Variants in ULK2 observed in about 807,000 individuals in gnomAD.
ULK2 encodes serine/threonine-protein kinase ULK2.
ULK2 carries 76 observed loss-of-function variants against 127.5 expected under a neutral mutation model. The ratio of observed to expected loss-of-function variants is 0.60; its 90% CI spans 0.50 to 0.72. ULK2 has a LOEUF of 0.72. ULK2 is among the 30% of genes least tolerant of loss of function. ULK2 has a pLI of 0.00. For synonymous variants in ULK2, 452 were observed against 461.9 expected (o/e 0.98, Z 0.28); for missense variants, 1,144 against 1,295.9 (o/e 0.88, Z 1.80).
chr17:19,802,389 ATTT>A (rs1490710802), intron 15 of ULK2, among the ~76,000 whole-genome samples: 1 of 152,190 alleles, frequency 6.6e-6, no homozygotes, highest in Non-Finnish European at 1.5e-5. Context: ...TAAGCTGAGA[ATTT>A]TTAAGAATTA....
chr17:19,840,235 TG>T, intron 9 of ULK2: 1 of 510,860 alleles, frequency 2.0e-6, no homozygotes, highest in Non-Finnish European at 4.0e-6. Flanking sequence ...GTTGAGCAGT[TG>T]GCCATAAGAG....
chr17:19,804,546 TA>T, intron 15 of ULK2, 146 bp downstream of exon 15: 1 of 743,124 alleles, frequency 1.3e-6, no homozygotes. Flanking sequence ...TCATCAATTA[TA>T]AAACTTTATT....
chr17:19,786,021 C>T lies in ULK2; in HGVS notation c.2167G>A (p.Val723Ile), dbSNP rs2087022637. 1 of 1,579,082 alleles carries T rather than the reference C, an allele frequency of 6.3e-7. No individual in the cohort carries two copies. Among genetic ancestry groups the T allele is most frequent in the African/African-American group, 1.4e-5 (1 of 71,806 alleles). ...GGAGGAGACCCTACAGTGAAGAGGA[C>T]AGCCTTGGAACTTGCTGCTGTACCT... ...PAGTAASSKAVLFTVGSPPHS... is the reference protein window; with the variant it reads ...PAGTAASSKAILFTVGSPPHS... The change falls in exon 21 of 27, where the codon GTC becomes ATC. Residue 723 changes from valine (V) to isoleucine (I), a missense_variant. Physicochemically the swap from Val to Ile is conservative, Grantham distance 29. Transcript: ENST00000395544.
rs368011354 is a variant in ULK2 at position 19,781,892 on chromosome 17, C to T, written c.2636G>A (p.Trp879Ter). ...TGAATGACAAGGGGGCACCCACCCC[C>T]AGTCTTTGCTCAGCTGACTGATCTG... Reference protein sequence around the residue: ...VDQISQLSKDWGRVEQLVLYM... With the variant: ...VDQISQLSKD Residue 879 changes from tryptophan (W) to a stop codon, truncating the protein, a stop_gained, in exon 23 of 27, where the codon TGG becomes TAG. Coordinates refer to ENST00000395544, the MANE Select transcript of ULK2 (RefSeq NM_014683.4). LOFTEE classifies it high-confidence loss of function. 1 of 1,612,296 alleles carries T rather than the reference C, an allele frequency of 6.2e-7. No homozygotes were observed. The highest frequency in any genetic ancestry group is 1.3e-5 in the African/African-American group (1 of 74,864).
chr17:19,824,217 G>A (rs967727962), intron 12 of ULK2, among the ~76,000 whole-genome samples: 2 of 152,068 alleles, frequency 1.3e-5, no homozygotes, highest in African/African-American at 4.8e-5. Context: ...GGCCAAGGCG[G>A]GCAGATCACT....
At chr17:19,811,732 G>A (rs1022986712) in intron 13 of ULK2, among the ~76,000 whole-genome samples, 5 of 152,148 alleles carry the variant, frequency 3.3e-5, no homozygotes, top group Non-Finnish European at 7.3e-5. Context: ...ATGAGCCACT[G>A]AACCTGGCCT....
chr17:19,806,901 G>C (rs940014842), intron 14 of ULK2, among the ~76,000 whole-genome samples: 19 of 152,174 alleles, frequency 1.2e-4, no homozygotes, highest in African/African-American at 4.6e-4. Context: ...TGTGCTGAGA[G>C]GAAAGCACAA....
chr17:19,788,024 A>G (rs2087072262), intron 20 of ULK2, among the ~76,000 whole-genome samples: 1 of 152,296 alleles, frequency 6.6e-6, no homozygotes, highest in Admixed American at 6.5e-5. Flanking sequence ...GAGCATTTGG[A>G]CCAGCTGTAG....
In ULK2 at chr17:19,810,388, C is replaced by A. The variant is rs1219581096; in HGVS notation, c.1147G>T (p.Val383Leu). ...TGTAAATATACATACCCTCCACACA[C>A]CAAGAATTCATTTGAAGCACGTCTG... is the stretch of plus-strand genomic sequence containing the variant. The part of the protein sequence containing the change: ...AGRRASNEFL[V>L]CGGQCQPTVS... Residue 383 changes from valine to leucine, a missense_variant, in exon 14 of 27, where the codon GTG becomes TTG. By Grantham distance (32) the Val-to-Leu change is conservative (BLOSUM62 1). Around this residue, in one of 2 missense-constraint regions of ULK2, gnomAD observed 913 missense variants for 970.5 expected, o/e 0.94. Transcript: ENST00000395544. The A allele has an allele frequency of 4.4e-6, 7 of 1,605,668 alleles. No individual in the cohort carries two copies. In the Admixed American group the frequency reaches 1.2e-4, roughly 27 times the overall value.
chr17:19,782,930 A>ACAAT (rs1396861655), intron 22 of ULK2, among the ~76,000 whole-genome samples: 1 of 150,010 alleles, frequency 6.7e-6, no homozygotes, highest in Non-Finnish European at 1.5e-5. Context: ...AAACAAACAA[A>ACAAT]CAAACAAACA....
intron 16 of ULK2, among the ~76,000 whole-genome samples, chr17:19,800,722 G>T (rs912198440): frequency 6.6e-6 from 1 of 152,184 alleles, no homozygotes; most frequent in African/African-American, 2.4e-5. Context: ...CAGCAGTTCT[G>T]ACTGAAGGTG....
chr17:19,786,165 G>T, intron 20 of ULK2, 79 bp from the exon 21 acceptor site: 1 of 1,385,150 alleles, frequency 7.2e-7, no homozygotes. Context: ...GGGGGATACT[G>T]ACTTTTATAT....
chr17:19,799,021 C>A (rs1450254759), intron 17 of ULK2, among the ~76,000 whole-genome samples: 3 of 151,934 alleles, frequency 2.0e-5, no homozygotes, highest in Non-Finnish European at 4.4e-5. Context: ...ATTAGCCGGG[C>A]ATGGTGTTGC....
chr17:19,857,521 A>T (rs1213960223), intron 3 of ULK2, among the ~76,000 whole-genome samples: 2 of 152,112 alleles, frequency 1.3e-5, no homozygotes, highest in African/African-American at 4.8e-5. Flanking sequence ...TGGTGTTCCA[A>T]TTCTATTTTT....
chr17:19,841,868 AG>A (rs1259841747), intron 8 of ULK2, among the ~76,000 whole-genome samples: 33 of 152,154 alleles, frequency 2.2e-4, no homozygotes, highest in African/African-American at 8.0e-4. Flanking sequence ...ACCTTTTCTG[AG>A]GTACCTTTTC....
chr17:19,830,040 A>G (rs1047148190), intron 10 of ULK2, among the ~76,000 whole-genome samples: 3 of 152,122 alleles, frequency 2.0e-5, no homozygotes, highest in African/African-American at 7.2e-5. Flanking sequence ...TACAGCATCA[A>G]TAAGGAAAGG....
intron 3 of ULK2, among the ~76,000 whole-genome samples, chr17:19,852,062 A>C (rs949812632): frequency 2.7e-5 from 4 of 150,896 alleles, no homozygotes; most frequent in African/African-American, 9.7e-5. Flanking sequence ...AAAAAAAAAA[A>C]AAAAATACAA....
chr17:19,837,043 A>G (rs185116646), intron 10 of ULK2, among the ~76,000 whole-genome samples: 1 of 152,128 alleles, frequency 6.6e-6, no homozygotes, highest in Admixed American at 6.6e-5. Context: ...CTACGATCAC[A>G]CCACTGCATT....
intron 14 of ULK2, among the ~76,000 whole-genome samples, chr17:19,805,305 C>T (rs2087492135): frequency 6.6e-6 from 1 of 152,208 alleles, no homozygotes; most frequent in African/African-American, 2.4e-5. Flanking sequence ...CACAAACTCT[C>T]AAAGCATGCA....
Sources: gnomAD v4.1 joint callset for allele counts (sites outside exome capture counted in the v4.1 genomes callset) on GRCh38, gnomAD v4.1.1 for gene constraint, gnomAD v4.1.1 regional missense constraint, MANE v1.5 for transcripts, NCBI Gene and HGNC (gene_info 2026-07-23, HGNC 2026-07-21) for gene names.